The following VPS13B variants were observed in gnomAD, a reference collection of about 807,000 sequenced individuals.
VPS13B encodes the protein intermembrane lipid transfer protein VPS13B.
A neutral mutation model predicts 426.4 loss-of-function variants in VPS13B; 285 were observed. The observed-to-expected ratio is 0.67, with a 90% CI of 0.61 to 0.74. The LOEUF (loss-of-function observed/expected upper bound fraction) is 0.74. VPS13B is among the 30% of genes least tolerant of loss of function. VPS13B has a pLI of 0.00. For missense variants in VPS13B, 4,537 were observed against 4,782.6 expected, an observed-to-expected ratio of 0.95 and a Z score of 1.51; for synonymous variants, 1,676 against 1,676.4, an observed-to-expected ratio of 1.00 and a Z score of 0.01.
intron 17 of VPS13B, among the ~76,000 whole-genome samples, chr8:99,199,018 C>G (rs995460808): frequency 6.6e-6 from 1 of 152,168 alleles, no homozygotes; most frequent in African/African-American, 2.4e-5. Flanking sequence ...GTACTCAGCA[C>G]TGTTAAGCTT....
At chr8:99,021,061 T>C (rs1841858204) in intron 2 of VPS13B, among the ~76,000 whole-genome samples, 1 of 152,230 alleles carries the variant, frequency 6.6e-6, no homozygotes, top group Non-Finnish European at 1.5e-5. Flanking sequence ...TTCTTGAAAA[T>C]TAGGGATCAG....
intron 7 of VPS13B, among the ~76,000 whole-genome samples, chr8:99,117,504 G>A (rs1359619052): frequency 6.6e-6 from 1 of 152,076 alleles, no homozygotes; most frequent in African/African-American, 2.4e-5. Flanking sequence ...AATGTTCATG[G>A]TAACATATTC....
At chr8:99,731,932 C>A (rs1833619689) in intron 39 of VPS13B, among the ~76,000 whole-genome samples, 1 of 152,062 alleles carries the variant, frequency 6.6e-6, no homozygotes, top group Non-Finnish European at 1.5e-5. Context: ...TGTTGCTATC[C>A]CCCTATTACA....
intron 3 of VPS13B, among the ~76,000 whole-genome samples, chr8:99,086,114 GT>G (rs1173231790): frequency 6.6e-6 from 1 of 151,994 alleles, no homozygotes; most frequent in African/African-American, 2.4e-5. Context: ...CATAGATTTG[GT>G]TTTTTCACAT....
intron 17 of VPS13B, among the ~76,000 whole-genome samples, chr8:99,273,811 A>G (rs948635039): frequency 6.6e-6 from 1 of 152,158 alleles, no homozygotes; most frequent in African/African-American, 2.4e-5. Context: ...ATAAAAAATA[A>G]AAAATAAAGT....
At chr8:99,613,431 A>G (rs117764843) in intron 33 of VPS13B, among the ~76,000 whole-genome samples, 1 of 152,342 alleles carries the variant, frequency 6.6e-6, no homozygotes, top group East Asian at 1.9e-4. Context: ...TTGCCCATCT[A>G]TCCATTCACC....
intron 19 of VPS13B, among the ~76,000 whole-genome samples, chr8:99,369,378 A>G (rs752934489): frequency 4.6e-5 from 7 of 152,222 alleles, no homozygotes; most frequent in African/African-American, 9.6e-5. Context: ...AATTTATGAC[A>G]CCTGGTTTAA....
intron 43 of VPS13B, among the ~76,000 whole-genome samples, chr8:99,802,576 A>G (rs1813181800): frequency 6.6e-6 from 1 of 152,196 alleles, no homozygotes; most frequent in African/African-American, 2.4e-5. Flanking sequence ...AAAATGCATA[A>G]TCCTATAACC....
At chr8:99,134,078 A>G (rs1367199446) in intron 8 of VPS13B, among the ~76,000 whole-genome samples, 2 of 152,228 alleles carry the variant, frequency 1.3e-5, no homozygotes, top group Non-Finnish European at 1.5e-5. Context: ...CTGGCTTTCA[A>G]TAAGTATTTG....
intron 33 of VPS13B, among the ~76,000 whole-genome samples, chr8:99,593,733 A>T (rs1214268685): frequency 6.6e-6 from 1 of 152,158 alleles, no homozygotes; most frequent in Non-Finnish European, 1.5e-5. Context: ...AGCCATAAAA[A>T]GGAACAAGAT....
chr8:99,468,026 C>T (rs1588411639), intron 24 of VPS13B, among the ~76,000 whole-genome samples: 1 of 152,114 alleles, frequency 6.6e-6, no homozygotes, highest in Non-Finnish European at 1.5e-5. Context: ...TATACTTTAA[C>T]TTCTAGGATA....
At position 99,778,996 on chromosome 8, in the gene VPS13B, C is replaced by A; in HGVS notation, c.7744C>A (p.His2582Asn). 1 of 1,613,680 alleles carries A rather than the reference C, an allele frequency of 6.2e-7. No homozygotes were observed. Among genetic ancestry groups the A allele is most frequent in the Non-Finnish European group, 8.5e-7 (1 of 1,179,844 alleles). The part of the protein sequence containing the change: ...VFVNLGQHVV[H>N]SLNTAIQAWQ... ...TGTAAACCTTGGACAGCATGTAGTC[C>A]ATTCACTAAACACTGCAATACAAGC... Residue 2582 changes from histidine (H) to asparagine (N), a missense_variant, in exon 42 of 62, where the codon CAT becomes AAT. Around this residue, in one of 2 missense-constraint regions of VPS13B, gnomAD observed 4,311 missense variants for 4,474.3 expected, o/e 0.96. Coordinates refer to ENST00000357162, the MANE Select transcript of VPS13B (RefSeq NM_152564.5).
intron 29 of VPS13B, among the ~76,000 whole-genome samples, chr8:99,513,570 A>G (rs1485421011): frequency 1.3e-5 from 2 of 152,172 alleles, no homozygotes; most frequent in African/African-American, 4.8e-5. Context: ...AAATTTTATG[A>G]TGTAATTGTG....
At chr8:99,699,076 T>A (rs1402745997) in intron 35 of VPS13B, among the ~76,000 whole-genome samples, 1 of 151,988 alleles carries the variant, frequency 6.6e-6, no homozygotes, top group Non-Finnish European at 1.5e-5. Flanking sequence ...TGGATAAATA[T>A]TTATTAGTAA....
intron 39 of VPS13B, among the ~76,000 whole-genome samples, chr8:99,756,726 C>A (rs1409912773): frequency 1.3e-5 from 2 of 152,086 alleles, no homozygotes; most frequent in African/African-American, 2.4e-5. Context: ...AAAAAGCCTG[C>A]CAAATGAAGT....
chr8:99,642,117 G>GA lies in VPS13B; in HGVS notation c.5533dup (p.Thr1845AsnfsTer12), dbSNP rs1176397159. On this transcript the variant is annotated frameshift_variant, in exon 34 of 62. Transcript: ENST00000357162. LOFTEE classifies it high-confidence loss of function. ...GAAATCACAAGAACAGAAGAATAAT[G>GA]AAAAAACAGACAAGAGTTCATTAAA... is the stretch of plus-strand genomic sequence containing the variant. 3.1e-6 allele frequency: 5 copies of GA among 1,613,934 alleles called. No individual in the cohort carries two copies. The highest frequency in any genetic ancestry group is 4.2e-6 in the Non-Finnish European group (5 of 1,179,996).
chr8:99,036,099 G>C (rs1324908774), intron 2 of VPS13B, among the ~76,000 whole-genome samples: 1 of 151,966 alleles, frequency 6.6e-6, no homozygotes, highest in Non-Finnish European at 1.5e-5. Flanking sequence ...CCATTTCATA[G>C]GTTGTCTTTT....
At chr8:99,109,205 A>C (rs539934094) in intron 5 of VPS13B, among the ~76,000 whole-genome samples, 1 of 152,292 alleles carries the variant, frequency 6.6e-6, no homozygotes, top group South Asian at 2.1e-4. Context: ...AAATTGTAGC[A>C]CATTTCTAAA....
At chr8:99,332,876 A>T (rs1463807280) in intron 19 of VPS13B, among the ~76,000 whole-genome samples, 2 of 151,646 alleles carry the variant, frequency 1.3e-5, no homozygotes, top group African/African-American at 4.8e-5. Flanking sequence ...GTTGGCTCAC[A>T]TGTTTTTTTA....
Sources: allele counts gnomAD v4.1 joint callset (sites outside exome capture counted in the v4.1 genomes callset), GRCh38; gene constraint gnomAD v4.1.1; regional missense constraint gnomAD v4.1.1; transcripts MANE v1.5; gene names NCBI Gene and HGNC (gene_info 2026-07-23, HGNC 2026-07-21).